Variants in SHBG observed in about 807,000 individuals in gnomAD.
The protein encoded by SHBG is sex hormone binding globulin.
SHBG carries 37 observed loss-of-function variants against 41.9 expected under a neutral mutation model. That is an observed-to-expected ratio of 0.88 (90% CI 0.68 to 1.16). SHBG has a LOEUF of 1.16. SHBG is among the 50% of genes most tolerant of loss of function. SHBG has a pLI of 0.00. For missense variants in SHBG, 466 were observed against 499.9 expected, an observed-to-expected ratio of 0.93 and a Z score of 0.65; for synonymous variants, 217 against 205.8, an observed-to-expected ratio of 1.05 and a Z score of -0.47.
At chr17:7,625,816 G>A (rs186624600), upstream of SHBG, among the ~76,000 whole-genome samples, 7 of 151,450 alleles carry the variant, frequency 4.6e-5, no homozygotes, top group East Asian at 9.7e-4. Flanking sequence ...ACTTGAACCC[G>A]GGAGGCGGAT....
exon 1 of SHBG, chr17:7,614,077 C>T (rs911637051): frequency 6.1e-6 from 3 of 488,292 alleles, no homozygotes; most frequent in Non-Finnish European, 1.2e-5. Flanking sequence ...TCTCCATGTG[C>T]TTGGATCGTG....
At chr17:7,625,107 G>A (rs2072171160), upstream of SHBG, among the ~76,000 whole-genome samples, 1 of 151,500 alleles carries the variant, frequency 6.6e-6, no homozygotes, top group African/African-American at 2.4e-5. Flanking sequence ...CTGCCACCAC[G>A]CCTGGCTAAT....
At chr17:7,622,814 G>A (rs1257050604) in intron 1 of SHBG, among the ~76,000 whole-genome samples, 3 of 150,528 alleles carry the variant, frequency 2.0e-5, no homozygotes, top group Non-Finnish European at 4.4e-5. Flanking sequence ...CAGATCATTA[G>A]GTCAGGAGAT....
At chr17:7,622,564 C>T (rs1050473724) in intron 1 of SHBG, among the ~76,000 whole-genome samples, 5 of 151,912 alleles carry the variant, frequency 3.3e-5, no homozygotes, top group East Asian at 1.9e-4. Flanking sequence ...TGAGCCACTG[C>T]GCCTGGCCTG....
chr17:7,627,832 C>A (rs745899905), upstream of SHBG: 37 of 670,620 alleles, frequency 5.5e-5, no homozygotes, highest in East Asian at 9.9e-4. This position sits in a 1 kb window ranked among gnomAD's most constrained non-coding sequence, Gnocchi z 4.8. Flanking sequence ...AGTAGGCCAG[C>A]GAGGCGATCC....
At position 7,630,160 on chromosome 17, in the gene SHBG, A is replaced by G. The variant is rs906241549; in HGVS notation, c.-13A>G. On this transcript the variant is annotated 5_prime_UTR_variant, in exon 1 of 8. Transcript: ENST00000380450. This position sits in a 1 kb window ranked among gnomAD's most constrained non-coding sequence, Gnocchi z 4.6. The stretch of plus-strand genomic sequence containing the variant: ...AAGAGTTGTCTGAGCCGCCGAGTGG[A>G]CAGTGGCTGATTATGGAGAGCAGAG... 1 of 1,606,076 alleles carries G rather than the reference A, an allele frequency of 6.2e-7. No homozygotes were observed. The highest frequency in any genetic ancestry group is 1.3e-5 in the African/African-American group (1 of 74,786).
chr17:7,629,087 G>A (rs985948758), upstream of SHBG, among the ~76,000 whole-genome samples: 4 of 151,420 alleles, frequency 2.6e-5, no homozygotes, highest in African/African-American at 9.7e-5. Context: ...AATGCGTCAG[G>A]GAGGGTCGGG....
At chr17:7,616,643 T>A (rs1278924652) in intron 1 of SHBG, among the ~76,000 whole-genome samples, 1 of 122,562 alleles carries the variant, frequency 8.2e-6, no homozygotes, top group Non-Finnish European at 1.7e-5. Flanking sequence ...CAACAACAAA[T>A]AATAATAATA....
chr17:7,618,008 C>G (rs2072023600), intron 1 of SHBG, among the ~76,000 whole-genome samples: 1 of 152,078 alleles, frequency 6.6e-6, no homozygotes, highest in African/African-American at 2.4e-5. Context: ...CATCTGAGGT[C>G]AGGAGTTTGA....
upstream of SHBG, among the ~76,000 whole-genome samples, chr17:7,629,148 G>A (rs1036233862): frequency 9.2e-5 from 14 of 151,884 alleles, no homozygotes; most frequent in South Asian, 4.1e-4. Context: ...TGAGGTGGGC[G>A]GATCATTTCA....
chr17:7,622,955 C>T (rs1021162339), intron 1 of SHBG, among the ~76,000 whole-genome samples: 31 of 150,404 alleles, frequency 2.1e-4, no homozygotes, highest in African/African-American at 6.6e-4. Flanking sequence ...GAGAATGGCA[C>T]GAACCTGAGA....
upstream of SHBG, chr17:7,627,369 C>T (rs1187254446): frequency 1.2e-6 from 2 of 1,614,190 alleles, no homozygotes; most frequent in Non-Finnish European, 1.7e-6. The surrounding 1 kb of genome is among the most constrained non-coding windows in gnomAD (Gnocchi z 4.8). Context: ...CCACCTTCTT[C>T]ACTGATCTTC....
chr17:7,631,948 C>G lies in SHBG; in HGVS notation c.785C>G (p.Ser262Ter). The G allele has an allele frequency of 6.2e-7, 1 of 1,614,038 alleles. No homozygotes were observed. The highest frequency in any genetic ancestry group is 1.6e-4 in the Middle Eastern group (1 of 6,062). The change falls in exon 6 of 8, where the codon TCA (serine) becomes TGA (stop). Residue 262 changes from serine (S) to a stop codon, truncating the protein, a stop_gained. Transcript: ENST00000380450. LOFTEE classifies it high-confidence loss of function. ...LDLGLKQAAG[S>*]GHLLALGTPE... ...CTGGGACTCAAGCAGGCAGCAGGCT[C>G]AGGCCACCTCCTTGCTCTTGGGACA...
upstream of SHBG, chr17:7,626,846 T>C (rs1011301962): frequency 6.2e-7 from 1 of 1,609,484 alleles, no homozygotes; most frequent in African/African-American, 1.3e-5. Flanking sequence ...CTGAAGGGGA[T>C]CAGAAAATGA....
Position 7,631,239 on chromosome 17 carries a change from G to A in SHBG, c.433G>A (p.Val145Met), listed in dbSNP as rs532422090. ...KMEGDSVLLE[V>M]DGEEVLRLRQ... ...GGAGGGGGACTCTGTGCTGCTGGAG[G>A]TGGATGGGGAGGAGGTGCTGCGCCT... is the stretch of plus-strand genomic sequence containing the variant. Residue 145 changes from valine to methionine, a missense_variant, in exon 4 of 8, where the codon GTG becomes ATG. Physicochemically the swap from Val to Met is conservative, Grantham distance 21 (BLOSUM62 1). Coordinates refer to ENST00000380450, the MANE Select transcript of SHBG (RefSeq NM_001040.5). 3.6e-5 allele frequency: 58 copies of A among 1,601,172 alleles called. 1 individual carries two copies. The South Asian group carries it at 6.3e-4, about 17-fold the overall frequency.
chr17:7,631,483 G>T (rs2072411207), intron 4 of SHBG, 106 bp from the exon 5 acceptor site: 1 of 1,558,084 alleles, frequency 6.4e-7, no homozygotes, highest in Admixed American at 1.7e-5. Context: ...CTGCAAGGGG[G>T]AGGCCAAATG....
intron 1 of SHBG, among the ~76,000 whole-genome samples, chr17:7,619,412 T>C (rs1012874215): frequency 2.0e-4 from 27 of 134,040 alleles, no homozygotes; most frequent in African/African-American, 7.5e-4. Flanking sequence ...AAAATCATAA[T>C]AATGTAAATG....
upstream of SHBG, chr17:7,627,360 C>G: frequency 2.5e-6 from 4 of 1,614,198 alleles, no homozygotes; most frequent in Non-Finnish European, 3.4e-6. The surrounding 1 kb of genome is among the most constrained non-coding windows in gnomAD (Gnocchi z 4.8). Flanking sequence ...GCTGAGCCCC[C>G]ACCTTCTTCA....
At chr17:7,614,643 C>T (rs1254991796) in intron 1 of SHBG, 2 of 543,032 alleles carry the variant, frequency 3.7e-6, no homozygotes, top group East Asian at 3.8e-5. Flanking sequence ...GGGGGAGCCG[C>T]GGGGGGCGGG....
Sources: allele counts gnomAD v4.1 joint callset (sites outside exome capture counted in the v4.1 genomes callset), GRCh38; gene constraint gnomAD v4.1.1; non-coding constraint Gnocchi (gnomAD v3.1); transcripts MANE v1.5; gene names NCBI Gene and HGNC (gene_info 2026-07-23, HGNC 2026-07-21).